NEDD4: variants seen among roughly 807,000 people sequenced by gnomAD.
NEDD4 encodes the protein NEDD4 E3 ubiquitin protein ligase, also known as E3 ubiquitin-protein ligase NEDD4.
Under a neutral mutation model 144.9 loss-of-function variants are expected in NEDD4, and 99 were observed. That is an observed-to-expected ratio of 0.68 (90% CI 0.58 to 0.81). The LOEUF (loss-of-function observed/expected upper bound fraction) is 0.81, where lower values mean the gene tolerates loss of function less well. NEDD4 is among the 30% of genes least tolerant of loss of function. NEDD4 has a pLI of 0.00. For missense variants in NEDD4, 985 were observed against 1,065.9 expected (o/e 0.92, Z 1.06); for synonymous variants, 318 against 350.6 (o/e 0.91, Z 1.04).
intron 7 of NEDD4, among the ~76,000 whole-genome samples, 176 bp downstream of exon 7, chr15:55,872,239 A>G (rs2034826645): frequency 6.6e-6 from 1 of 151,728 alleles, no homozygotes; most frequent in Non-Finnish European, 1.5e-5. Flanking sequence ...ATGTGCATAC[A>G]GTACTTTTAA....
chr15:55,989,069 C>G (rs2037945771), intron 1 of NEDD4, among the ~76,000 whole-genome samples: 2 of 152,102 alleles, frequency 1.3e-5, no homozygotes, highest in Admixed American at 6.5e-5. Context: ...AACCCCATCT[C>G]TACCAAAAAT....
intron 6 of NEDD4, among the ~76,000 whole-genome samples, chr15:55,873,189 G>C (rs1229977481): frequency 6.6e-6 from 1 of 151,946 alleles, no homozygotes; most frequent in Non-Finnish European, 1.5e-5. Flanking sequence ...GTTGACTGAG[G>C]GTCAATGGCT....
intron 1 of NEDD4, among the ~76,000 whole-genome samples, chr15:55,973,302 G>A (rs1356606664): frequency 6.6e-6 from 1 of 152,178 alleles, no homozygotes; most frequent in Non-Finnish European, 1.5e-5. Context: ...ACTTTGGGAC[G>A]CCAAGATGGG....
chr15:55,976,981 C>T (rs1345399708), intron 1 of NEDD4, among the ~76,000 whole-genome samples: 1 of 152,120 alleles, frequency 6.6e-6, no homozygotes, highest in African/African-American at 2.4e-5. Context: ...TATTATAGCA[C>T]AAGAGATAGC....
chr15:55,840,750 A>G, intron 19 of NEDD4, 23 bp from the exon 20 acceptor site: 1 of 1,589,284 alleles, frequency 6.3e-7, no homozygotes, highest in Non-Finnish European at 8.5e-7. Context: ...CCCCATTTAA[A>G]TACTTCATTT....
chr15:55,853,628 C>T (rs2034078530), intron 12 of NEDD4, among the ~76,000 whole-genome samples: 2 of 152,142 alleles, frequency 1.3e-5, no homozygotes, highest in South Asian at 4.1e-4. Flanking sequence ...TAGGAGAATG[C>T]TATTTATCAT....
intron 4 of NEDD4, 112 bp downstream of exon 4, chr15:55,951,264 T>A (rs2037232772): frequency 1.8e-6 from 1 of 540,966 alleles, no homozygotes; most frequent in South Asian, 2.2e-5. Context: ...TTCACAACTT[T>A]AGGCAAATTC....
chr15:55,862,050 T>C (rs1296790900), intron 9 of NEDD4, among the ~76,000 whole-genome samples: 2 of 152,290 alleles, frequency 1.3e-5, no homozygotes, highest in African/African-American at 4.8e-5. Context: ...TCTACAGAAT[T>C]TTATAGTGTC....
chr15:55,886,042 G>A (rs992999284), intron 5 of NEDD4, among the ~76,000 whole-genome samples: 1 of 151,946 alleles, frequency 6.6e-6, no homozygotes, highest in African/African-American at 2.4e-5. Flanking sequence ...TCAAAAAAGG[G>A]CATGAGTAGC....
At chr15:55,879,574 T>C (rs754001446) in intron 5 of NEDD4, among the ~76,000 whole-genome samples, 8 of 152,058 alleles carry the variant, frequency 5.3e-5, no homozygotes, top group Non-Finnish European at 1.0e-4. Flanking sequence ...GTTTATAACA[T>C]GAAACACACA....
intron 1 of NEDD4, among the ~76,000 whole-genome samples, chr15:55,986,613 G>A (rs147736577): frequency 1.2e-3 from 164 of 133,612 alleles, no homozygotes; most frequent in African/African-American, 3.9e-3. Flanking sequence ...TTTGTGAGAC[G>A]GAGTCTCGCT....
rs150641951 is a variant in NEDD4 at position 55,842,102 on chromosome 15, T to C, written c.1670A>G (p.Tyr557Cys). The change falls in exon 19 of 29, where the codon TAC (tyrosine) becomes TGC (cysteine). Residue 557 changes from tyrosine (Y) to cysteine (C), a missense_variant. By Grantham distance (194) the Tyr-to-Cys change is radical (BLOSUM62 -2). Transcript: ENST00000435532. ...TCTCTTGACACCCATAATTCTCCGGTAAGAGTCTTCAAGAACAGTTGCTCG... is the reference window on the plus strand; with the variant it reads ...TCTCTTGACACCCATAATTCTCCGGCAAGAGTCTTCAAGAACAGTTGCTCG... ...LRRATVLEDS[Y>C]RRIMGVKRAD... The C allele has an allele frequency of 2.7e-5, 43 of 1,614,050 alleles. 1 individual carries two copies. The East Asian group carries it at 2.7e-4, about 10-fold the overall frequency.
intron 27 of NEDD4, among the ~76,000 whole-genome samples, chr15:55,832,474 G>T (rs1471006562): frequency 6.6e-6 from 1 of 152,104 alleles, no homozygotes; most frequent in African/African-American, 2.4e-5. Flanking sequence ...AACTACAGTG[G>T]TGCGATCTTG....
chr15:55,865,684 A>G (rs1019524031), intron 8 of NEDD4, among the ~76,000 whole-genome samples: 5 of 152,172 alleles, frequency 3.3e-5, no homozygotes, highest in South Asian at 4.1e-4. Flanking sequence ...CTGCTGTGTG[A>G]CAGGCAGTGG....
At chr15:55,986,023 T>C (rs965209259) in intron 1 of NEDD4, among the ~76,000 whole-genome samples, 1 of 152,190 alleles carries the variant, frequency 6.6e-6, no homozygotes, top group Non-Finnish European at 1.5e-5. Flanking sequence ...GGAACCTCCT[T>C]GAAAGGGCTC....
chr15:55,975,728 T>C (rs1361178031), intron 1 of NEDD4, among the ~76,000 whole-genome samples: 1 of 152,030 alleles, frequency 6.6e-6, no homozygotes. Flanking sequence ...ACAGATTCAA[T>C]GCAACTCCTA....
chr15:55,865,890 C>A (rs2142047373), intron 8 of NEDD4, among the ~76,000 whole-genome samples: 1 of 152,086 alleles, frequency 6.6e-6, no homozygotes, highest in South Asian at 2.1e-4. Context: ...AGGAAGATGA[C>A]AGAATAAATT....
intron 4 of NEDD4, among the ~76,000 whole-genome samples, chr15:55,932,579 T>G (rs2036803794): frequency 1.3e-5 from 2 of 152,124 alleles, no homozygotes; most frequent in Admixed American, 1.3e-4. Context: ...GAAGAAAAGC[T>G]AGGCAATACC....
intron 5 of NEDD4, among the ~76,000 whole-genome samples, chr15:55,884,224 G>A (rs539168057): frequency 1.3e-5 from 2 of 152,266 alleles, no homozygotes; most frequent in East Asian, 1.9e-4. Flanking sequence ...GCATTACTGG[G>A]CTTGGAATGT....
Sources: gnomAD v4.1 joint callset for allele counts (sites outside exome capture counted in the v4.1 genomes callset) on GRCh38, gnomAD v4.1.1 for gene constraint, MANE v1.5 for transcripts, NCBI Gene and HGNC (gene_info 2026-07-23, HGNC 2026-07-21) for gene names.